The following PUDP variants were observed in gnomAD, a reference collection of about 807,000 sequenced individuals.
The protein encoded by PUDP is pseudouridine-5'-phosphatase.
Under a neutral mutation model 9.4 loss-of-function variants are expected in PUDP, and 8 were observed. The observed-to-expected ratio is 0.85, with a 90% CI of 0.50 to 1.53. The LOEUF (loss-of-function observed/expected upper bound fraction) is 1.53. Ranked by LOEUF, PUDP falls within the 40% of genes most tolerant of loss-of-function variation. The probability of loss-of-function intolerance (pLI) is 0.00; values close to 1 mark genes in which losing one functional copy is unlikely to be tolerated. For missense variants in PUDP, 188 were observed against 189.7 expected (o/e 0.99, Z 0.05); for synonymous variants, 99 against 80.7 (o/e 1.23, Z -1.22).
intron 2 of PUDP, among the ~76,000 whole-genome samples, chrX:7,090,111 A>G (rs1931379784): frequency 9.0e-6 from 1 of 111,507 alleles, no homozygotes; most frequent in African/African-American, 3.3e-5. Flanking sequence ...TCTTCCATTA[A>G]CCACTTAACT....
chrX:6,895,819 G>A (rs902447810), intron 3 of PUDP, among the ~76,000 whole-genome samples: 12 of 111,524 alleles, frequency 1.1e-4, no homozygotes, highest in Non-Finnish European at 1.3e-4. Flanking sequence ...CTGGGAGTCC[G>A]AGATCTAGCC....
chrX:6,875,310 C>T (rs1927236649), intron 3 of PUDP, among the ~76,000 whole-genome samples: 1 of 111,521 alleles, frequency 9.0e-6, no homozygotes, highest in Non-Finnish European at 1.9e-5. Context: ...CTCAGTCTCC[C>T]AAAGTGCTGG....
chrX:7,062,376 G>A (rs749682589), intron 3 of PUDP, among the ~76,000 whole-genome samples: 3 of 111,678 alleles, frequency 2.7e-5, no homozygotes, highest in Admixed American at 1.9e-4. Context: ...TTGAAGGAGT[G>A]GGTTTAGGGA....
chrX:7,071,051 CTT>C (rs1245574277), intron 3 of PUDP, among the ~76,000 whole-genome samples: 1 of 111,728 alleles, frequency 9.0e-6, no homozygotes, highest in Non-Finnish European at 1.9e-5. Context: ...TAAGATGAAA[CTT>C]TGTGTAAATG....
rs111696956 is a variant in PUDP, at chrX:6,975,145, T to C, written c.*247+1988A>G. ...TTTCAAGGTTCTTAGCTTCCTTCCATTGGGTTAGATCATGTTCCTTTAGCT... is the reference window on the plus strand; with the variant it reads ...TTTCAAGGTTCTTAGCTTCCTTCCACTGGGTTAGATCATGTTCCTTTAGCT... On this transcript the variant is annotated intron_variant and NMD_transcript_variant, in intron 3 of 3. Coordinates refer to the PUDP transcript ENST00000655425. 4.0e-3 allele frequency among the ~76,000 whole-genome samples: 438 copies of C among 110,265 alleles called. 3 individuals carry two copies. The highest frequency in any genetic ancestry group is 0.014 in the African/African-American group (422 of 30,301).
chrX:7,125,767 C>A (rs766659989), intron 1 of PUDP, among the ~76,000 whole-genome samples: 1 of 111,610 alleles, frequency 9.0e-6, no homozygotes, highest in Non-Finnish European at 1.9e-5. Flanking sequence ...GACGTGACAG[C>A]GAGCTTGTGC....
intron 3 of PUDP, among the ~76,000 whole-genome samples, chrX:6,800,942 G>A (rs1311269845): frequency 1.8e-5 from 2 of 111,355 alleles, no homozygotes; most frequent in South Asian, 7.6e-4. Flanking sequence ...AACTGCCAGA[G>A]GGGAAAAGGA....
At chrX:6,786,613 T>C (rs1347673927) in intron 3 of PUDP, among the ~76,000 whole-genome samples, 3 of 111,699 alleles carry the variant, frequency 2.7e-5, no homozygotes, top group Non-Finnish European at 5.6e-5. Flanking sequence ...GTCTTTGTAT[T>C]TTCAAACTTT....
chrX:6,899,755 A>T (rs762756552), intron 3 of PUDP, among the ~76,000 whole-genome samples: 1 of 110,696 alleles, frequency 9.0e-6, no homozygotes, highest in Non-Finnish European at 1.9e-5. Context: ...TAATTGATGA[A>T]CTTTGTAAAT....
intron 3 of PUDP, among the ~76,000 whole-genome samples, chrX:6,751,877 T>A: frequency 9.0e-6 from 1 of 110,934 alleles, no homozygotes; most frequent in Non-Finnish European, 1.9e-5. Flanking sequence ...TTTTGAGAAG[T>A]CAGAATTATG....
At chrX:7,069,008 C>G (rs1254703623) in intron 3 of PUDP, among the ~76,000 whole-genome samples, 1 of 111,776 alleles carries the variant, frequency 8.9e-6, no homozygotes, top group African/African-American at 3.3e-5. Flanking sequence ...ATAAGATCAC[C>G]CAGGGGGATG....
At chrX:6,941,872 T>C (rs1928404535) in intron 3 of PUDP, among the ~76,000 whole-genome samples, 1 of 111,923 alleles carries the variant, frequency 8.9e-6, no homozygotes, top group Non-Finnish European at 1.9e-5. Context: ...TAAGATCTAC[T>C]CTCTAGAAAG....
chrX:6,839,604 G>A (rs1236982673), intron 3 of PUDP, among the ~76,000 whole-genome samples: 1 of 111,647 alleles, frequency 9.0e-6, no homozygotes, highest in Non-Finnish European at 1.9e-5. Flanking sequence ...CCATTCAAAT[G>A]AAAACTTATG....
chrX:6,926,689 C>T (rs1337597599), intron 3 of PUDP, among the ~76,000 whole-genome samples: 1 of 111,750 alleles, frequency 8.9e-6, no homozygotes, highest in Non-Finnish European at 1.9e-5. Flanking sequence ...ATTGTGCATT[C>T]AGAGCTACCA....
chrX:7,038,761 G>C (rs1312113173), intron 1 of PUDP, among the ~76,000 whole-genome samples: 4 of 111,512 alleles, frequency 3.6e-5, no homozygotes, highest in Non-Finnish European at 5.7e-5. Context: ...CAGCAAAAAG[G>C]AAATTATAGG....
intron 3 of PUDP, among the ~76,000 whole-genome samples, chrX:7,059,371 G>A (rs1016116335): frequency 8.9e-6 from 1 of 112,079 alleles, no homozygotes; most frequent in African/African-American, 3.2e-5. Flanking sequence ...ACCCAGCAAG[G>A]CCCTGAAAGG....
At chrX:6,831,066 T>C (rs1294335780) in intron 3 of PUDP, among the ~76,000 whole-genome samples, 4 of 111,463 alleles carry the variant, frequency 3.6e-5, no homozygotes, top group African/African-American at 1.3e-4. Context: ...TGGTCAGGTC[T>C]GAGGTGAAAT....
chrX:7,042,307 C>T (rs916939629), intron 1 of PUDP, among the ~76,000 whole-genome samples: 2 of 110,999 alleles, frequency 1.8e-5, no homozygotes, highest in African/African-American at 6.6e-5. Context: ...ACCAACGTCA[C>T]GTATTGCTAA....
At chrX:6,773,713 G>A (rs905836649) in intron 3 of PUDP, among the ~76,000 whole-genome samples, 4 of 111,104 alleles carry the variant, frequency 3.6e-5, no homozygotes, top group African/African-American at 6.6e-5. Context: ...ATTGTGCCAT[G>A]TCAGTTACCA....
Sources: allele counts gnomAD v4.1 joint callset (sites outside exome capture counted in the v4.1 genomes callset), GRCh38; gene constraint gnomAD v4.1.1; transcripts MANE v1.5; gene names NCBI Gene and HGNC (gene_info 2026-07-23, HGNC 2026-07-21).